Variants in ATF2 observed in about 807,000 individuals in gnomAD.
The protein encoded by ATF2 is activating transcription factor 2.
Under a neutral mutation model 60.6 loss-of-function variants are expected in ATF2, and 24 were observed. The observed-to-expected ratio is 0.40, with a 90% CI of 0.29 to 0.56. ATF2 has a LOEUF of 0.56. Ranked by LOEUF, ATF2 falls within the 20% of genes least tolerant of loss-of-function variation. The probability of loss-of-function intolerance (pLI) is 0.54; values close to 1 mark genes in which losing one functional copy is unlikely to be tolerated. For synonymous variants in ATF2, 206 were observed against 215.4 expected (o/e 0.96, Z 0.38); for missense variants, 433 against 607.7 (o/e 0.71, Z 3.02).
chr2:175,108,304 C>T (rs1339678168), intron 10 of ATF2, among the ~76,000 whole-genome samples: 1 of 152,002 alleles, frequency 6.6e-6, no homozygotes, highest in Non-Finnish European at 1.5e-5. Context: ...CGGCAGCCAC[C>T]CCGTCCGGGA....
At chr2:175,136,332 C>T (rs2105767055) in intron 3 of ATF2, 80 bp downstream of exon 3, 1 of 1,326,164 alleles carries the variant, frequency 7.5e-7, no homozygotes, top group Non-Finnish European at 1.1e-6. Flanking sequence ...CAAATACTTA[C>T]CTAATAGAAA....
chr2:175,115,908 A>C (rs1201649938), intron 7 of ATF2, among the ~76,000 whole-genome samples: 1 of 152,172 alleles, frequency 6.6e-6, no homozygotes, highest in Admixed American at 6.5e-5. Flanking sequence ...TTGCAAAAAC[A>C]GCATTCGAAC....
At chr2:175,141,763 G>C (rs559651071) in intron 2 of ATF2, among the ~76,000 whole-genome samples, 4 of 152,144 alleles carry the variant, frequency 2.6e-5, no homozygotes, top group Admixed American at 1.3e-4. Flanking sequence ...GAAGTGCTGG[G>C]ATTACAGGTG....
At chr2:175,097,249 G>C (rs1694991875) in intron 11 of ATF2, among the ~76,000 whole-genome samples, 195 bp downstream of exon 11, 1 of 152,196 alleles carries the variant, frequency 6.6e-6, no homozygotes, top group Non-Finnish European at 1.5e-5. Context: ...CAGGTGTCCT[G>C]AACAGAAACA....
intron 4 of ATF2, among the ~76,000 whole-genome samples, chr2:175,128,812 A>G (rs1697530766): frequency 6.6e-6 from 1 of 152,164 alleles, no homozygotes; most frequent in Non-Finnish European, 1.5e-5. Context: ...GGATATATAA[A>G]GAACTCCTAC....
At chr2:175,122,652 G>A (rs992115127) in intron 4 of ATF2, among the ~76,000 whole-genome samples, 3 of 152,028 alleles carry the variant, frequency 2.0e-5, no homozygotes, top group Non-Finnish European at 4.4e-5. Context: ...TCTGCCTGTA[G>A]AGGTGAAAAT....
chr2:175,124,156 G>A (rs1422315395), intron 4 of ATF2, among the ~76,000 whole-genome samples: 4 of 151,610 alleles, frequency 2.6e-5, no homozygotes, highest in African/African-American at 9.7e-5. Flanking sequence ...TTCATAAACT[G>A]TATTCTTCCA....
intron 7 of ATF2, among the ~76,000 whole-genome samples, chr2:175,115,991 T>C (rs1303444876): frequency 6.6e-6 from 1 of 152,052 alleles, no homozygotes; most frequent in Non-Finnish European, 1.5e-5. Flanking sequence ...TGTCATGTCC[T>C]GAGGTAGGAA....
At chr2:175,164,668 G>A (rs1001377426) in intron 1 of ATF2, among the ~76,000 whole-genome samples, 3 of 152,112 alleles carry the variant, frequency 2.0e-5, no homozygotes, top group African/African-American at 7.2e-5. Context: ...GAAATAAAAT[G>A]TTCTCTGGGG....
In ATF2 at chr2:175,153,885, A is replaced by G. The variant is rs1699483433; in HGVS notation, c.-142-2727T>C. Among the ~76,000 whole-genome samples, 3 of 151,160 alleles carry G rather than the reference A, an allele frequency of 2.0e-5. No homozygotes were observed. The South Asian group carries it at 6.3e-4, about 31-fold the overall frequency. ...CACAAACACACTGTTCAGCTATACA[A>G]AAATATTTTCATCCTTATTCTAATA... On this transcript the variant is annotated intron_variant, in intron 1 of 13. Coordinates refer to ENST00000264110, the MANE Select transcript of ATF2 (RefSeq NM_001880.4).
At chr2:175,118,150 A>C (rs1696712812) in intron 6 of ATF2, 32 bp from the exon 7 acceptor site, 2 of 1,604,344 alleles carry the variant, frequency 1.2e-6, no homozygotes, top group Non-Finnish European at 1.7e-6. Flanking sequence ...AAAGGTTATA[A>C]GTTCAAAAAC....
At chr2:175,079,983 CTG>C (rs1400261711) in intron 13 of ATF2, among the ~76,000 whole-genome samples, 7 of 152,080 alleles carry the variant, frequency 4.6e-5, no homozygotes, top group African/African-American at 1.4e-4. Context: ...GGTTCCAACA[CTG>C]TGCATCTTAT....
At chr2:175,085,549 AACATAC>A (rs746034528) in intron 12 of ATF2, among the ~76,000 whole-genome samples, 12 of 74,858 alleles carry the variant, frequency 1.6e-4, no homozygotes, top group South Asian at 5.6e-4. Context: ...ATAAATACAT[AACATAC>A]ACACACACAC....
chr2:175,110,119 G>A (rs562276464), intron 10 of ATF2, among the ~76,000 whole-genome samples: 4 of 152,052 alleles, frequency 2.6e-5, no homozygotes, highest in African/African-American at 7.2e-5. Flanking sequence ...GGGGGATCAC[G>A]AGGTCAGGAG....
intron 13 of ATF2, chr2:175,080,440 G>C (rs973078474): frequency 1.4e-5 from 5 of 356,348 alleles, no homozygotes; most frequent in African/African-American, 4.2e-5. Context: ...TTGATCTATA[G>C]TAACGCTTAG....
intron 10 of ATF2, among the ~76,000 whole-genome samples, chr2:175,104,113 C>T (rs1297174514): frequency 6.6e-6 from 1 of 151,520 alleles, no homozygotes; most frequent in Non-Finnish European, 1.5e-5. Context: ...AAACACAATG[C>T]ATACATAATA....
intron 13 of ATF2, 94 bp from the exon 14 acceptor site, chr2:175,074,929 T>A: frequency 6.5e-7 from 1 of 1,549,058 alleles, no homozygotes; most frequent in Non-Finnish European, 8.7e-7. Flanking sequence ...AGTTAGAAAG[T>A]ATCTTACAAA....
rs1695804729 is a variant in ATF2, at chr2:175,107,918, A to G, written c.828+3650T>C. On this transcript the variant is annotated intron_variant, in intron 10 of 13. Transcript: ENST00000264110. ...CAGTGGCGTGATCTCGGCTCGCTAC[A>G]ACCTCCACCTCCCAGCCGCCTGCCT... is the stretch of plus-strand genomic sequence containing the variant. 3.3e-5 allele frequency among the ~76,000 whole-genome samples: 5 copies of G among 152,160 alleles called. No homozygotes were observed. The South Asian group carries it at 6.2e-4, about 19-fold the overall frequency.
At chr2:175,120,916 C>A (rs746377364) in intron 5 of ATF2, among the ~76,000 whole-genome samples, 5 of 151,640 alleles carry the variant, frequency 3.3e-5, no homozygotes, top group Non-Finnish European at 1.5e-5. Context: ...TGATACTGTA[C>A]GTTCATAGTG....
Sources: gnomAD v4.1 joint callset for allele counts (sites outside exome capture counted in the v4.1 genomes callset) on GRCh38, gnomAD v4.1.1 for gene constraint, MANE v1.5 for transcripts, NCBI Gene and HGNC (gene_info 2026-07-23, HGNC 2026-07-21) for gene names.